Variants in ARHGEF17 observed in about 807,000 individuals in gnomAD.
ARHGEF17 encodes the protein 164 kDa Rho-specific guanine-nucleotide exchange factor.
Under a neutral mutation model 174.0 loss-of-function variants are expected in ARHGEF17, and 80 were observed. The observed-to-expected ratio is 0.46, with a 90% CI of 0.38 to 0.55. The LOEUF (loss-of-function observed/expected upper bound fraction) is 0.55. ARHGEF17 is among the 20% of genes least tolerant of loss of function. ARHGEF17 has a pLI of 0.00. For missense variants in ARHGEF17, 2,886 were observed against 2,839.7 expected (o/e 1.02, Z -0.37); for synonymous variants, 1,311 against 1,189.1 (o/e 1.10, Z -2.11).
In ARHGEF17 at chr11:73,308,717, G is replaced by A; in HGVS notation, c.79G>A (p.Gly27Arg). 7 of 1,513,906 alleles carry A rather than the reference G, an allele frequency of 4.6e-6. No homozygotes were observed. Among genetic ancestry groups the A allele is most frequent in the Non-Finnish European group, 6.2e-6 (7 of 1,135,666 alleles). 93.8% of individuals were successfully genotyped at this position (1,513,906 alleles called of 1,614,324 possible). A position where few individuals can be genotyped will look rare whatever the true frequency, so the allele number is the denominator to read the frequency against. ...KLLERWSGGP[G>R]LREEDTDTPG... ...GCTGGAGCGCTGGAGCGGCGGCCCC[G>A]GGCTGAGGGAGGAGGACACGGACAC... is the stretch of plus-strand genomic sequence containing the variant. The change falls in exon 1 of 21, where the codon GGG becomes AGG. Residue 27 changes from glycine to arginine, a missense_variant. Gly to Arg is a moderately radical substitution (Grantham distance 125, BLOSUM62 -2). Around this residue, in one of 4 missense-constraint regions of ARHGEF17, gnomAD observed 1,728 missense variants for 1,461.2 expected, o/e 1.18. Coordinates refer to ENST00000263674, the MANE Select transcript of ARHGEF17 (RefSeq NM_014786.4).
chr11:73,350,860 C>G (rs11821094), intron 2 of ARHGEF17, among the ~76,000 whole-genome samples: 36,159 of 152,196 alleles, frequency 0.24, 7,286 homozygotes, highest in African/African-American at 0.56. Context: ...ACGCATTTAT[C>G]GTGCTTCTTT....
intron 1 of ARHGEF17, among the ~76,000 whole-genome samples, chr11:73,313,371 C>T (rs1864873913): frequency 6.6e-6 from 1 of 152,194 alleles, no homozygotes; most frequent in South Asian, 2.1e-4. Context: ...CCCCAGCCTC[C>T]TTTCCCATAT....
chr11:73,329,365 A>T (rs1218518913), intron 1 of ARHGEF17, among the ~76,000 whole-genome samples: 271 of 2,210 alleles, frequency 0.12, 47 homozygotes, highest in African/African-American at 0.23. Flanking sequence ...ATATATATAT[A>T]TATATATATT....
Position 73,365,222 on chromosome 11 carries a change from A to G in ARHGEF17, c.5551-168A>G. ...AAAAGCACCTCCATTGTAATTCCTG[A>G]GAACTAAGTTGGGAGGTGCTGGTGA... On this transcript the variant is annotated intron_variant, in intron 18 of 20. Coordinates refer to ENST00000263674, the MANE Select transcript of ARHGEF17 (RefSeq NM_014786.4). The surrounding 1 kb of genome is among the most constrained non-coding windows in gnomAD (Gnocchi z 4.9). The G allele has an allele frequency of 3.0e-6, 2 of 677,932 alleles. No individual in the cohort carries two copies. Among genetic ancestry groups the G allele is most frequent in the East Asian group, 2.7e-5 (1 of 36,546 alleles). The allele number at this position is 677,932 out of a possible 1,614,324, so 42.0% of individuals were successfully genotyped here. A position where few individuals can be genotyped will look rare whatever the true frequency, so the allele number is the denominator to read the frequency against.
At chr11:73,356,122 T>G in intron 5 of ARHGEF17, 53 bp from the exon 6 acceptor site, 1 of 1,604,064 alleles carries the variant, frequency 6.2e-7, no homozygotes. Flanking sequence ...TCCAGCAGTC[T>G]GGGGCCCCAG....
At chr11:73,358,051 T>G (rs1865674742) in intron 9 of ARHGEF17, among the ~76,000 whole-genome samples, 1 of 151,902 alleles carries the variant, frequency 6.6e-6, no homozygotes, top group Non-Finnish European at 1.5e-5. Context: ...GTCAATAGAA[T>G]GACCACCTTT....
chr11:73,308,427 G>C lies in ARHGEF17; in HGVS notation c.-212G>C, dbSNP rs571692896. 1 of 445,030 alleles carries C rather than the reference G, an allele frequency of 2.2e-6. No individual in the cohort carries two copies. Among genetic ancestry groups the C allele is most frequent in the South Asian group, 6.4e-5 (1 of 15,668 alleles). 27.6% of individuals were successfully genotyped at this position (445,030 alleles called of 1,614,324 possible). A position where few individuals can be genotyped will look rare whatever the true frequency, so the allele number is the denominator to read the frequency against. On this transcript the variant is annotated 5_prime_UTR_variant, in exon 1 of 21. Coordinates refer to ENST00000263674, the MANE Select transcript of ARHGEF17 (RefSeq NM_014786.4). ...TGGGCCTGGGGGTCGGCGCTGAGGC[G>C]GGAGGGGCCGCCCGGGATGGAGACG...
Position 73,360,436 on chromosome 11 carries a change from T to C in ARHGEF17, c.4323T>C (p.Thr1441=). 1 of 1,614,020 alleles carries C rather than the reference T, an allele frequency of 6.2e-7. No homozygotes were observed. Reference sequence around the variant, plus strand: ...CAACCAAGCTGGAGCTGTGCGCCACTCGGCCCGAGGGCACCGACTCCTACA... The same window carrying C: ...CAACCAAGCTGGAGCTGTGCGCCACCCGGCCCGAGGGCACCGACTCCTACA... The part of the protein sequence containing the change: ...FPPTKLELCA[T]RPEGTDSYIF... Residue 1441 remains threonine, a synonymous_variant, in exon 11 of 21, where the codon ACT becomes ACC. Coordinates refer to ENST00000263674, the MANE Select transcript of ARHGEF17 (RefSeq NM_014786.4).
rs1003345482 is a variant in ARHGEF17 at position 73,368,188 on chromosome 11, G to A, written c.*408G>A. Reference sequence around the variant, plus strand: ...ACAGTATTTATGTTTCTTTTTAGATGTGTACCTTCCCAAGCACTTATTTAT... The same window carrying A: ...ACAGTATTTATGTTTCTTTTTAGATATGTACCTTCCCAAGCACTTATTTAT... On this transcript the variant is annotated 3_prime_UTR_variant, in exon 21 of 21. Transcript: ENST00000263674. The A allele has an allele frequency of 8.5e-5, 14 of 164,412 alleles. No individual in the cohort carries two copies. Among genetic ancestry groups the A allele is most frequent in the Non-Finnish European group, 1.2e-4 (9 of 75,956 alleles). 10.2% of individuals were successfully genotyped at this position (164,412 alleles called of 1,614,324 possible).
At chr11:73,366,119 T>TTGTGTG (rs111678539) in intron 20 of ARHGEF17, among the ~76,000 whole-genome samples, 172 bp downstream of exon 20, 5 of 150,096 alleles carry the variant, frequency 3.3e-5, no homozygotes, top group South Asian at 2.1e-4. Flanking sequence ...TCTAGGATAG[T>TTGTGTG]TGTGTGTGTG....
chr11:73,367,552 C>A (rs1408204864), intron 20 of ARHGEF17, 32 bp from the exon 21 acceptor site: 3 of 1,579,974 alleles, frequency 1.9e-6, no homozygotes, highest in African/African-American at 2.7e-5. Context: ...CCATTCGCCC[C>A]CAAGCTGACA....
At chr11:73,350,175 A>G (rs562270310) in intron 2 of ARHGEF17, among the ~76,000 whole-genome samples, 94 of 152,372 alleles carry the variant, frequency 6.2e-4, no homozygotes, top group South Asian at 1.5e-3. Flanking sequence ...TGAGGTAGAT[A>G]TTATATTCTT....
At position 73,308,620 on chromosome 11, in the gene ARHGEF17, C is replaced by G. The variant is rs1565181842; in HGVS notation, c.-19C>G. The G allele has an allele frequency of 2.1e-6, 3 of 1,449,044 alleles. No individual in the cohort carries two copies. The highest frequency in any genetic ancestry group is 1.8e-6 in the Non-Finnish European group (2 of 1,104,850). 89.8% of individuals were successfully genotyped at this position (1,449,044 alleles called of 1,614,324 possible). On this transcript the variant is annotated 5_prime_UTR_variant, in exon 1 of 21. Transcript: ENST00000263674. Reference sequence around the variant, plus strand: ...CGCGGCTGCCCGAGGCCAGCCCCCCCGGAGTGAGTTACGCCACTATGGCGG... The same window carrying G: ...CGCGGCTGCCCGAGGCCAGCCCCCCGGGAGTGAGTTACGCCACTATGGCGG...
chr11:73,329,373 A>ATATTTTTTTTT (rs1565193840), intron 1 of ARHGEF17, among the ~76,000 whole-genome samples: 1 of 13,170 alleles, frequency 7.6e-5, no homozygotes, highest in Non-Finnish European at 1.2e-4. Context: ...ATATATATAT[A>ATATTTTTTTTT]TTTTTTTTTT....
At position 73,310,547 on chromosome 11, in the gene ARHGEF17, T is replaced by G. The variant is rs1864804736; in HGVS notation, c.1909T>G (p.Ser637Ala). 3 of 1,613,912 alleles carry G rather than the reference T, an allele frequency of 1.9e-6. No homozygotes were observed. The African/African-American group carries it at 4.0e-5, about 22-fold the overall frequency. ...TRGQRSQEEL[S>A]GPESSLTDEG... ...AGGGCAGCGGTCCCAGGAGGAGCTC[T>G]CAGGCCCTGAGTCCAGTCTGACAGA... The change falls in exon 1 of 21, where the codon TCA becomes GCA. Residue 637 changes from serine to alanine, a missense_variant. This residue lies in a region of ARHGEF17 where 1,728 missense variants were observed against 1,461.2 expected (regional missense o/e 1.18). Coordinates refer to ENST00000263674, the MANE Select transcript of ARHGEF17 (RefSeq NM_014786.4).
chr11:73,333,568 G>T (rs749618749), intron 1 of ARHGEF17, among the ~76,000 whole-genome samples: 28 of 152,234 alleles, frequency 1.8e-4, no homozygotes, highest in Non-Finnish European at 3.7e-4. Context: ...ACCACCCTAT[G>T]CTTGCCTGGT....
In ARHGEF17 at chr11:73,308,508, C is replaced by T. The variant is rs1864728685; in HGVS notation, c.-131C>T. On this transcript the variant is annotated 5_prime_UTR_variant, in exon 1 of 21. Transcript: ENST00000263674. Reference sequence around the variant, plus strand: ...GCGGCAGAGAAACCTCTGCTCCGGTCTCTGCGTCCTCTTCCCACACTCCCG... The same window carrying T: ...GCGGCAGAGAAACCTCTGCTCCGGTTTCTGCGTCCTCTTCCCACACTCCCG... 1.3e-6 allele frequency: 1 copy of T among 796,642 alleles called. No homozygotes were observed. The highest frequency in any genetic ancestry group is 3.4e-5 in the East Asian group (1 of 29,442). 49.3% of individuals were successfully genotyped at this position (796,642 alleles called of 1,614,324 possible).
At chr11:73,324,102 G>A (rs372063446) in intron 1 of ARHGEF17, among the ~76,000 whole-genome samples, 3 of 152,310 alleles carry the variant, frequency 2.0e-5, no homozygotes, top group East Asian at 3.9e-4. Context: ...GCCGTGTAGG[G>A]CAGAGTCCCC....
intron 1 of ARHGEF17, among the ~76,000 whole-genome samples, chr11:73,315,744 C>CT (rs1432963591): frequency 3.2e-4 from 49 of 152,178 alleles, no homozygotes; most frequent in Admixed American, 3.2e-3. Flanking sequence ...GGCCTGGGCT[C>CT]TTGGGGGGAA....
Sources: allele counts gnomAD v4.1 joint callset (sites outside exome capture counted in the v4.1 genomes callset), GRCh38; gene constraint gnomAD v4.1.1; regional missense constraint gnomAD v4.1.1; non-coding constraint Gnocchi (gnomAD v3.1); transcripts MANE v1.5; gene names NCBI Gene and HGNC (gene_info 2026-07-23, HGNC 2026-07-21).